ANKRD30BL: variants seen among roughly 807,000 people sequenced by gnomAD.
ANKRD30BL encodes ankyrin repeat domain 30B like.
Under a neutral mutation model 18.4 loss-of-function variants are expected in ANKRD30BL, and 20 were observed. The observed-to-expected ratio is 1.09, with a 90% CI of 0.77 to 1.58. The LOEUF is 1.58. Ranked by LOEUF, ANKRD30BL falls within the 40% of genes most tolerant of loss-of-function variation. The pLI, the probability that ANKRD30BL is intolerant of heterozygous loss-of-function variation, is 0.00. For synonymous variants in ANKRD30BL, 72 were observed against 100.9 expected (o/e 0.71, Z 1.72); for missense variants, 224 against 268.6 (o/e 0.83, Z 1.16).
intron 1 of ANKRD30BL, among the ~76,000 whole-genome samples, chr2:132,237,392 AT>A (rs1230464638): frequency 1.3e-5 from 2 of 152,104 alleles, no homozygotes; most frequent in Non-Finnish European, 1.5e-5. Flanking sequence ...TTCTTGTTGA[AT>A]TTACAAGTGG....
intron 1 of ANKRD30BL, among the ~76,000 whole-genome samples, chr2:132,205,748 G>C (rs1679200797): frequency 6.6e-6 from 1 of 152,138 alleles, no homozygotes; most frequent in Non-Finnish European, 1.5e-5. Context: ...AATGCAGAAT[G>C]TTTAGAAAGG....
At chr2:132,205,214 C>T (rs1250581335) in intron 1 of ANKRD30BL, among the ~76,000 whole-genome samples, 1 of 152,028 alleles carries the variant, frequency 6.6e-6, no homozygotes, top group African/African-American at 2.4e-5. Context: ...AAACTATTGT[C>T]AATCAGGGAA....
chr2:132,175,689 G>A (rs1393664283), intron 1 of ANKRD30BL, among the ~76,000 whole-genome samples: 6 of 152,198 alleles, frequency 3.9e-5, no homozygotes, highest in Admixed American at 2.6e-4. Context: ...GACAATACCC[G>A]GCTTTCCAGG....
intron 5 of ANKRD30BL, among the ~76,000 whole-genome samples, chr2:132,150,484 T>A (rs1687729822): frequency 6.6e-6 from 1 of 151,216 alleles, no homozygotes; most frequent in Non-Finnish European, 1.5e-5. Context: ...TATAAATATA[T>A]TAATTCATTA....
intron 1 of ANKRD30BL, among the ~76,000 whole-genome samples, chr2:132,226,457 C>G (rs201677094): frequency 3.4e-4 from 51 of 147,958 alleles, no homozygotes; most frequent in African/African-American, 6.8e-4. Flanking sequence ...TACAGACACT[C>G]TTTTTGTAGA....
intron 1 of ANKRD30BL, among the ~76,000 whole-genome samples, chr2:132,221,777 G>A (rs1261670689): frequency 4.8e-5 from 5 of 104,882 alleles, no homozygotes; most frequent in Non-Finnish European, 5.5e-5. Context: ...GGGAAGTGAG[G>A]AGCCCCTCTG....
chr2:132,251,344 C>G (rs60064784), intron 1 of ANKRD30BL, among the ~76,000 whole-genome samples: 25,961 of 133,410 alleles, frequency 0.19, 4,743 homozygotes, highest in African/African-American at 0.48. Context: ...GTATGTGTGT[C>G]CATGTGTTCT....
intron 1 of ANKRD30BL, among the ~76,000 whole-genome samples, chr2:132,176,921 A>G (rs995244117): frequency 6.6e-6 from 1 of 152,234 alleles, no homozygotes; most frequent in Non-Finnish European, 1.5e-5. Context: ...CAAACTCAAC[A>G]ACATTTGTTT....
chr2:132,175,812 A>C (rs1688358515), intron 1 of ANKRD30BL, among the ~76,000 whole-genome samples: 1 of 152,208 alleles, frequency 6.6e-6, no homozygotes, highest in South Asian at 2.1e-4. Flanking sequence ...TTAACAAGGC[A>C]CATCCTGCAC....
At chr2:132,246,570 T>A (rs965155084) in intron 1 of ANKRD30BL, among the ~76,000 whole-genome samples, 1 of 152,008 alleles carries the variant, frequency 6.6e-6, no homozygotes, top group Non-Finnish European at 1.5e-5. Flanking sequence ...TTGGAAACAC[T>A]CTTTTTGTAG....
rs767371114 is a variant in ANKRD30BL, at chr2:132,157,357, C to T, written c.285G>A (p.Lys95=). 21 of 749,194 alleles carry T rather than the reference C, an allele frequency of 2.8e-5. No individual in the cohort carries two copies. Among genetic ancestry groups the T allele is most frequent in the Non-Finnish European group, 4.4e-5 (18 of 407,244 alleles). 46.4% of individuals were successfully genotyped at this position (749,194 alleles called of 1,614,324 possible). A position where few individuals can be genotyped will look rare whatever the true frequency, so the allele number is the denominator to read the frequency against. ...AEVVTLLVDR[K]CQLDVLDGEN... ...CACCATCAAGGACGTCAAGCTGACA[C>T]TTTCTATCTACCAGAAGTGTTACTA... Residue 95 remains lysine, a synonymous_variant, in exon 2 of 6, where the codon AAG becomes AAA. Coordinates refer to ENST00000409867, the MANE Select transcript of ANKRD30BL (RefSeq NM_001358416.1).
intron 1 of ANKRD30BL, among the ~76,000 whole-genome samples, chr2:132,214,711 T>G (rs1238707584): frequency 6.6e-6 from 1 of 152,024 alleles, no homozygotes; most frequent in Non-Finnish European, 1.5e-5. Flanking sequence ...ACAACTTTCT[T>G]TGCGATGTGT....
chr2:132,254,151 C>G lies in ANKRD30BL; in HGVS notation n.441+3378G>C, dbSNP rs113867533. 1.6e-4 allele frequency among the ~76,000 whole-genome samples: 22 copies of G among 137,900 alleles called. 1 individual carries two copies. The highest frequency in any genetic ancestry group is 1.3e-3 in the Admixed American group (17 of 13,556). The allele number at this position is 137,900 out of a possible 152,430, so 90.5% of individuals were successfully genotyped here. On this transcript the variant is annotated intron_variant and non_coding_transcript_variant, in intron 1 of 4. Coordinates refer to the ANKRD30BL transcript ENST00000470729. Reference sequence around the variant, plus strand: ...GAGCCATCCAGCCCGCCCCACGACACGCACACACGGTTTCATCCCCACACG... The same window carrying G: ...GAGCCATCCAGCCCGCCCCACGACAGGCACACACGGTTTCATCCCCACACG...
At chr2:132,218,075 A>C in intron 1 of ANKRD30BL, among the ~76,000 whole-genome samples, 1 of 151,364 alleles carries the variant, frequency 6.6e-6, no homozygotes, top group Non-Finnish European at 1.5e-5. Flanking sequence ...CTGCATGTGG[A>C]TATTTGGACC....
At chr2:132,164,999 G>A (rs1688159868), upstream of ANKRD30BL, among the ~76,000 whole-genome samples, 1 of 151,986 alleles carries the variant, frequency 6.6e-6, no homozygotes, top group South Asian at 2.1e-4. Context: ...GCGTGAATCC[G>A]GGTTGCGGAG....
chr2:132,237,625 A>C (rs1041852652), intron 1 of ANKRD30BL, among the ~76,000 whole-genome samples: 4 of 152,076 alleles, frequency 2.6e-5, no homozygotes, highest in Non-Finnish European at 4.4e-5. Context: ...TCTTCACATA[A>C]AAACTAGACA....
intron 1 of ANKRD30BL, among the ~76,000 whole-genome samples, chr2:132,209,237 C>A (rs532208362): frequency 6.6e-6 from 1 of 152,010 alleles, no homozygotes. Flanking sequence ...GTGAATTCAA[C>A]TCACAGAGTT....
chr2:132,253,454 A>G (rs796160444), intron 1 of ANKRD30BL: 5 of 152,670 alleles, frequency 3.3e-5, no homozygotes, highest in African/African-American at 1.2e-4. Flanking sequence ...CAACACAGAG[A>G]GGTGGTGCCG....
At chr2:132,173,681 T>G (rs1397034912) in intron 1 of ANKRD30BL, among the ~76,000 whole-genome samples, 2 of 152,176 alleles carry the variant, frequency 1.3e-5, no homozygotes, top group East Asian at 3.8e-4. Flanking sequence ...TTACTTGTTC[T>G]TGGAACCAGC....
Sources: allele counts gnomAD v4.1 joint callset (sites outside exome capture counted in the v4.1 genomes callset), GRCh38; gene constraint gnomAD v4.1.1; transcripts MANE v1.5; gene names NCBI Gene and HGNC (gene_info 2026-07-23, HGNC 2026-07-21).